Variants in MGA observed in about 807,000 individuals in gnomAD.
MGA encodes the protein MAX gene-associated protein.
A neutral mutation model predicts 261.1 loss-of-function variants in MGA; 40 were observed. The observed-to-expected ratio is 0.15, with a 90% CI of 0.12 to 0.20. The LOEUF (loss-of-function observed/expected upper bound fraction) is 0.20. Among genes scored for constraint, MGA ranks in the 10% least tolerant of loss-of-function variants. The pLI, the probability that MGA is intolerant of heterozygous loss-of-function variation, is 1.00. For synonymous variants in MGA, 1,302 were observed against 1,290.6 expected, an observed-to-expected ratio of 1.01 and a Z score of -0.19; for missense variants, 3,397 against 3,630.5, an observed-to-expected ratio of 0.94 and a Z score of 1.65.
chr15:41,681,635 A>G (rs982830242), intron 2 of MGA, among the ~76,000 whole-genome samples: 5 of 151,824 alleles, frequency 3.3e-5, no homozygotes, highest in Admixed American at 6.6e-5. Context: ...ATTTTTGTAG[A>G]GATAGGATTT....
chr15:41,650,995 A>G (rs780190747), intron 1 of MGA, among the ~76,000 whole-genome samples: 169 of 152,266 alleles, frequency 1.1e-3, no homozygotes, highest in Non-Finnish European at 2.2e-3. Flanking sequence ...ACAGTTCTGG[A>G]GGCTGGGAAG....
In MGA at chr15:41,669,578, C is replaced by T. The variant is rs2150950971; in HGVS notation, c.684C>T (p.Phe228=). The change falls in exon 2 of 24, where the codon TTC becomes TTT. Residue 228 remains phenylalanine (F), a synonymous_variant. Transcript: ENST00000219905. ...GCCCTGGTGTCCACACTTTTACCTT[C>T]CCACAGACTGAATTCTTTGCAGTAA... The T allele has an allele frequency of 3.7e-6, 6 of 1,613,862 alleles. No homozygotes were observed. The East Asian group carries it at 1.3e-4, about 36-fold the overall frequency.
At chr15:41,648,376 A>T (rs2056975459) in intron 1 of MGA, among the ~76,000 whole-genome samples, 1 of 152,244 alleles carries the variant, frequency 6.6e-6, no homozygotes, top group Non-Finnish European at 1.5e-5. Context: ...ACTGGTTATT[A>T]GGATTAAATG....
At chr15:41,662,553 A>G (rs2057474634) in intron 1 of MGA, among the ~76,000 whole-genome samples, 1 of 152,218 alleles carries the variant, frequency 6.6e-6, no homozygotes, top group African/African-American at 2.4e-5. Flanking sequence ...AATAAATGGC[A>G]AGTACCATTT....
rs374544200 is a variant in MGA at position 41,727,984 on chromosome 15, T to C, written c.3657+578T>C. 2.4e-4 allele frequency among the ~76,000 whole-genome samples: 36 copies of C among 152,332 alleles called. No individual in the cohort carries two copies. In the East Asian group the frequency reaches 6.4e-3, roughly 27 times the overall value. On this transcript the variant is annotated intron_variant, in intron 10 of 23. Coordinates refer to ENST00000219905, the MANE Select transcript of MGA (RefSeq NM_001164273.2). ...TATACTACGATGCTACTGAATATGT[T>C]CTTTGTAGCAGAGCTATTATAGTAT...
At chr15:41,629,105 CAAAAAAA>C (rs71108108) in intron 1 of MGA, among the ~76,000 whole-genome samples, 10 of 78,076 alleles carry the variant, frequency 1.3e-4, no homozygotes, top group East Asian at 4.5e-4. Flanking sequence ...GACTTCGTCT[CAAAAAAA>C]AAAAAAAAAA....
rs745396744 is a variant in MGA, at chr15:41,669,494, C to T, written c.600C>T (p.Tyr200=). 1 of 1,614,004 alleles carries T rather than the reference C, an allele frequency of 6.2e-7. No homozygotes were observed. The highest frequency in any genetic ancestry group is 8.5e-7 in the Non-Finnish European group (1 of 1,179,894). Reference sequence around the variant, plus strand: ...TCATCTTGCACTCTATGCATCGTTACCTGCCGAGGCTTCATTTGGTGCCTG... The same window carrying T: ...TCATCTTGCACTCTATGCATCGTTATCTGCCGAGGCTTCATTTGGTGCCTG... The change falls in exon 2 of 24, where the codon TAC becomes TAT. Residue 200 remains tyrosine (Y), a synonymous_variant. Coordinates refer to ENST00000219905, the MANE Select transcript of MGA (RefSeq NM_001164273.2).
chr15:41,655,015 A>AG (rs2057135228), intron 1 of MGA, among the ~76,000 whole-genome samples: 1 of 152,058 alleles, frequency 6.6e-6, no homozygotes. Context: ...TTGATTTTCT[A>AG]GGTAATACAT....
Position 41,749,165 on chromosome 15 carries a change from C to T in MGA, c.5558C>T (p.Pro1853Leu), listed in dbSNP as rs775462592. ...CCTTCCAAACCCTCTGAGACTCCGCCATCTTCCACTTCGTCCTCTGCTTTC... is the reference window on the plus strand; with the variant it reads ...CCTTCCAAACCCTCTGAGACTCCGCTATCTTCCACTTCGTCCTCTGCTTTC... The change falls in exon 17 of 24, where the codon CCA becomes CTA. Residue 1853 changes from proline to leucine, a missense_variant. Pro to Leu is a moderately conservative substitution (Grantham distance 98, BLOSUM62 -3). Around this residue, in one of 9 missense-constraint regions of MGA, gnomAD observed 1,410 missense variants for 1,386.4 expected, o/e 1.02. Transcript: ENST00000219905. The T allele has an allele frequency of 2.5e-6, 4 of 1,613,898 alleles. No homozygotes were observed. Among genetic ancestry groups the T allele is most frequent in the Admixed American group, 3.3e-5 (2 of 59,990 alleles).
chr15:41,634,338 A>G (rs994437049), intron 1 of MGA, among the ~76,000 whole-genome samples: 2 of 152,132 alleles, frequency 1.3e-5, no homozygotes, highest in Admixed American at 6.6e-5. Flanking sequence ...TGCCATGGAC[A>G]CTGTTATTTC....
At position 41,760,323 on chromosome 15, in the gene MGA, G is replaced by C. The variant is rs1169434181; in HGVS notation, c.7192G>C (p.Ala2398Pro). 2 of 1,613,752 alleles carry C rather than the reference G, an allele frequency of 1.2e-6. No individual in the cohort carries two copies. The highest frequency in any genetic ancestry group is 1.7e-5 in the Admixed American group (1 of 59,990). Residue 2398 changes from alanine (A) to proline (P), a missense_variant and splice_region_variant, in exon 20 of 24, where the codon GCT (alanine) becomes CCT (proline). By Grantham distance (27) the Ala-to-Pro change is conservative. Coordinates refer to ENST00000219905, the MANE Select transcript of MGA (RefSeq NM_001164273.2). Reference sequence around the variant, plus strand: ...TTAGGAGGCAATCTTGTTTGGACAGGCTCCACCAATTCCTCTAAAACTGAA... The same window carrying C: ...TTAGGAGGCAATCTTGTTTGGACAGCCTCCACCAATTCCTCTAAAACTGAA...
Position 41,669,599 on chromosome 15 carries a change from A to C in MGA, c.705A>C (p.Ala235=). The change falls in exon 2 of 24, where the codon GCA becomes GCC. Residue 235 remains alanine (A), a synonymous_variant. Transcript: ENST00000219905. ...CCTTCCCACAGACTGAATTCTTTGCAGTAACAGCTTATCAGAACATTCAGA... is the reference window on the plus strand; with the variant it reads ...CCTTCCCACAGACTGAATTCTTTGCCGTAACAGCTTATCAGAACATTCAGA... The C allele has an allele frequency of 6.2e-7, 1 of 1,614,018 alleles. No homozygotes were observed. Among genetic ancestry groups the C allele is most frequent in the Non-Finnish European group, 8.5e-7 (1 of 1,179,882 alleles).
At chr15:41,656,516 T>TATTTTC (rs1325792337), upstream of MGA, among the ~76,000 whole-genome samples, 9 of 151,648 alleles carry the variant, frequency 5.9e-5, no homozygotes, top group East Asian at 1.7e-3. Context: ...TATTTATTTT[T>TATTTTC]ATTTTTATTT....
rs982342110 is a variant in MGA at position 41,742,714 on chromosome 15, A to C, written c.4754A>C (p.Glu1585Ala). Reference sequence around the variant, plus strand: ...GTCGTCACACCTGTGGTTTCTTCTGAGCCAGTTCAGGTGTGCAGCCCTGTG... The same window carrying C: ...GTCGTCACACCTGTGGTTTCTTCTGCGCCAGTTCAGGTGTGCAGCCCTGTG... The change falls in exon 15 of 24, where the codon GAG (glutamate) becomes GCG (alanine). Residue 1585 changes from glutamate (E) to alanine (A), a missense_variant. Physicochemically the swap from Glu to Ala is moderately radical, Grantham distance 107 (BLOSUM62 -1). Coordinates refer to ENST00000219905, the MANE Select transcript of MGA (RefSeq NM_001164273.2). The C allele has an allele frequency of 6.2e-7, 1 of 1,613,880 alleles. No homozygotes were observed. Among genetic ancestry groups the C allele is most frequent in the Non-Finnish European group, 8.5e-7 (1 of 1,179,898 alleles).
At chr15:41,708,483 A>C (rs2060225672) in intron 7 of MGA, among the ~76,000 whole-genome samples, 1 of 152,020 alleles carries the variant, frequency 6.6e-6, no homozygotes, top group Admixed American at 6.6e-5. Flanking sequence ...ACGGCTGGCT[A>C]ATTTTTTGTA....
At chr15:41,718,293 G>T (rs1245563525) in intron 9 of MGA, 8 of 218,242 alleles carry the variant, frequency 3.7e-5, no homozygotes, top group African/African-American at 5.7e-5. Flanking sequence ...TGTAGTGTGT[G>T]TGTGTGTGTA....
At chr15:41,707,234 A>G (rs149137324) in intron 5 of MGA, among the ~76,000 whole-genome samples, 5 of 152,364 alleles carry the variant, frequency 3.3e-5, no homozygotes, top group African/African-American at 1.2e-4. Flanking sequence ...ATGTGTCAGC[A>G]GTCTGGGCAT....
rs193008600 is a variant in MGA at position 41,767,620 on chromosome 15, C to G, written c.*340C>G. On this transcript the variant is annotated 3_prime_UTR_variant, in exon 24 of 24. Transcript: ENST00000219905. ...TGGTTTCTAGTTCTTCCCCCACAAGCGAAAGAGCTGTTTGCAACTTTGGAG... is the reference window on the plus strand; with the variant it reads ...TGGTTTCTAGTTCTTCCCCCACAAGGGAAAGAGCTGTTTGCAACTTTGGAG... 3.7e-6 allele frequency: 1 copy of G among 268,464 alleles called. No individual in the cohort carries two copies. Among genetic ancestry groups the G allele is most frequent in the Non-Finnish European group, 7.1e-6 (1 of 140,530 alleles). 16.6% of individuals were successfully genotyped at this position (268,464 alleles called of 1,614,324 possible).
Position 41,750,147 on chromosome 15 carries a change from C to T in MGA, c.6540C>T (p.Gly2180=), listed in dbSNP as rs1205969616. The T allele has an allele frequency of 6.2e-7, 1 of 1,613,762 alleles. No individual in the cohort carries two copies. The highest frequency in any genetic ancestry group is 8.5e-7 in the Non-Finnish European group (1 of 1,179,878). ...AAAGATGGAGAAAACATCTGAAGGGCCCCTTAACCAGGAAATGTGTTGGAG... is the reference window on the plus strand; with the variant it reads ...AAAGATGGAGAAAACATCTGAAGGGTCCCTTAACCAGGAAATGTGTTGGAG... The change falls in exon 17 of 24, where the codon GGC becomes GGT. Residue 2180 remains glycine, a synonymous_variant. Coordinates refer to ENST00000219905, the MANE Select transcript of MGA (RefSeq NM_001164273.2).
Sources: gnomAD v4.1 joint callset for allele counts (sites outside exome capture counted in the v4.1 genomes callset) on GRCh38, gnomAD v4.1.1 for gene constraint, gnomAD v4.1.1 regional missense constraint, MANE v1.5 for transcripts, NCBI Gene and HGNC (gene_info 2026-07-23, HGNC 2026-07-21) for gene names.